The following TSPYL6 variants were observed in gnomAD, a reference collection of about 807,000 sequenced individuals.
TSPYL6 encodes the protein TSPY like 6, also known as testis-specific Y-encoded-like protein 6.
For synonymous variants in TSPYL6, 259 were observed against 214.8 expected (o/e 1.21, Z -1.80); for missense variants, 699 against 531.5 (o/e 1.32, Z -3.10).
In TSPYL6 at chr2:54,254,860, C is replaced by T; in HGVS notation, c.*59G>A. 1 of 1,543,424 alleles carries T rather than the reference C, an allele frequency of 6.5e-7. No homozygotes were observed. The highest frequency in any genetic ancestry group is 8.7e-7 in the Non-Finnish European group (1 of 1,145,234). ...GGCATACCTAATGCTGTTGCCCAAGCTCAGGTCCAGCTGGTGGTGGCAGGC... is the reference window on the plus strand; with the variant it reads ...GGCATACCTAATGCTGTTGCCCAAGTTCAGGTCCAGCTGGTGGTGGCAGGC... On this transcript the variant is annotated 3_prime_UTR_variant, in exon 1 of 1. Transcript: ENST00000317802.
Position 54,255,267 on chromosome 2 carries a change from C to A in TSPYL6, c.885G>T (p.Lys295Asn). The A allele has an allele frequency of 6.2e-7, 1 of 1,614,182 alleles. No individual in the cohort carries two copies. Among genetic ancestry groups the A allele is most frequent in the South Asian group, 1.1e-5 (1 of 91,078 alleles). Residue 295 changes from lysine (K) to asparagine (N), a missense_variant, in exon 1 of 1, where the codon AAG (lysine) becomes AAT (asparagine). Lys to Asn is a moderately conservative substitution (Grantham distance 94, BLOSUM62 0). Transcript: ENST00000317802. ...AGTAAGGGTTTCTTTGAAAGAAGAA[C>A]TTAAACTTGCAGCCTGTCCTAGGGT... ...LRHPRTGCKF[K>N]FFFQRNPYFR...
rs1483210466 is a variant in TSPYL6, at chr2:54,256,193, G to GAGGT, written c.-46_-43dup. On this transcript the variant is annotated 5_prime_UTR_variant, in exon 1 of 1. Coordinates refer to ENST00000317802, the MANE Select transcript of TSPYL6 (RefSeq NM_001003937.3). ...GCAGCAGTGGGTAGAGGCCAGGCCA[G>GAGGT]AGGTAGGTAGCGTCAACGTTCCTCA... is the stretch of plus-strand genomic sequence containing the variant. 1.9e-6 allele frequency: 3 copies of GAGGT among 1,553,792 alleles called. No homozygotes were observed. The African/African-American group carries it at 4.1e-5, about 21-fold the overall frequency.
rs998184338 is a variant in TSPYL6 at position 54,253,609 on chromosome 2, C to G, written c.*1310G>C. ...TAAAAAAAAGTACTTCTCTTCCCATCATAACTAGTCAACCCAGTGTAAATT... is the reference window on the plus strand; with the variant it reads ...TAAAAAAAAGTACTTCTCTTCCCATGATAACTAGTCAACCCAGTGTAAATT... On this transcript the variant is annotated 3_prime_UTR_variant, in exon 1 of 1. Coordinates refer to ENST00000317802, the MANE Select transcript of TSPYL6 (RefSeq NM_001003937.3). 6.6e-6 allele frequency: 1 copy of G among 152,234 alleles called. No homozygotes were observed. The highest frequency in any genetic ancestry group is 1.5e-5 in the Non-Finnish European group (1 of 68,048). The allele number at this position is 152,234 out of a possible 1,614,324, so 9.4% of individuals were successfully genotyped here. A position where few individuals can be genotyped will look rare whatever the true frequency, so the allele number is the denominator to read the frequency against.
At position 54,254,726 on chromosome 2, in the gene TSPYL6, C is replaced by T. The variant is rs551035678; in HGVS notation, c.*193G>A. On this transcript the variant is annotated 3_prime_UTR_variant, in exon 1 of 1. Coordinates refer to ENST00000317802, the MANE Select transcript of TSPYL6 (RefSeq NM_001003937.3). ...GTGATGTTAATGCAGAATAGCAAGA[C>T]GACCAGGTGAAAGGGGAGCAGCACA... is the stretch of plus-strand genomic sequence containing the variant. 3.1e-5 allele frequency: 18 copies of T among 581,632 alleles called. No homozygotes were observed. Among genetic ancestry groups the T allele is most frequent in the African/African-American group, 1.7e-4 (9 of 53,842 alleles). 36.0% of individuals were successfully genotyped at this position (581,632 alleles called of 1,614,324 possible). A position where few individuals can be genotyped will look rare whatever the true frequency, so the allele number is the denominator to read the frequency against.
rs759576559 is a variant in TSPYL6, at chr2:54,255,595, T to G, written c.557A>C (p.Glu186Ala). 11 of 1,613,096 alleles carry G rather than the reference T, an allele frequency of 6.8e-6. 1 individual carries two copies. Among genetic ancestry groups the G allele is most frequent in the South Asian group, 6.6e-5 (6 of 91,062 alleles). Residue 186 changes from glutamate to alanine, a missense_variant, in exon 1 of 1, where the codon GAG becomes GCG. Physicochemically the swap from Glu to Ala is moderately radical, Grantham distance 107 (BLOSUM62 -1). Coordinates refer to ENST00000317802, the MANE Select transcript of TSPYL6 (RefSeq NM_001003937.3). Reference protein sequence around the residue: ...ENRAIDEVNREAGPGPGPGPL... With the variant: ...ENRAIDEVNRAAGPGPGPGPL... ...CCCGGGCCCGGGCCCAGGCCCTGCC[T>G]CCCTGTTTACCTCATCTATTGCTCT...
Position 54,255,263 on chromosome 2 carries a change from A to C in TSPYL6, c.889T>G (p.Phe297Val). 6.2e-7 allele frequency: 1 copy of C among 1,614,212 alleles called. No individual in the cohort carries two copies. Among genetic ancestry groups the C allele is most frequent in the East Asian group, 2.2e-5 (1 of 44,870 alleles). Residue 297 changes from phenylalanine (F) to valine (V), a missense_variant, in exon 1 of 1, where the codon TTC (phenylalanine) becomes GTC (valine). Transcript: ENST00000317802. ...HPRTGCKFKF[F>V]FQRNPYFRNK... is the part of the protein sequence containing the mutation. Reference sequence around the variant, plus strand: ...CTGAAGTAAGGGTTTCTTTGAAAGAAGAACTTAAACTTGCAGCCTGTCCTA... The same window carrying C: ...CTGAAGTAAGGGTTTCTTTGAAAGACGAACTTAAACTTGCAGCCTGTCCTA...
At position 54,256,057 on chromosome 2, in the gene TSPYL6, G is replaced by T. The variant is rs374531982; in HGVS notation, c.95C>A (p.Ala32Glu). ...AAACATATCTGCCATTACCTCTGTC[G>T]CCTTGCTCTTTTCTCGGGACCTCTG... ...QGQRSREKSKATEVMADMFDG... is the reference protein window; with the variant it reads ...QGQRSREKSKETEVMADMFDG... Residue 32 changes from alanine to glutamate, a missense_variant, in exon 1 of 1, where the codon GCG (alanine) becomes GAG (glutamate). Coordinates refer to ENST00000317802, the MANE Select transcript of TSPYL6 (RefSeq NM_001003937.3). 3 of 1,614,146 alleles carry T rather than the reference G, an allele frequency of 1.9e-6. No individual in the cohort carries two copies. Among genetic ancestry groups the T allele is most frequent in the African/African-American group, 1.3e-5 (1 of 75,018 alleles).
In TSPYL6 at chr2:54,255,971, G is replaced by A. The variant is rs781215804; in HGVS notation, c.181C>T (p.Pro61Ser). The A allele has an allele frequency of 1.1e-5, 17 of 1,613,984 alleles. No homozygotes were observed. The East Asian group carries it at 3.6e-4, about 34-fold the overall frequency. Residue 61 changes from proline (P) to serine (S), a missense_variant, in exon 1 of 1, where the codon CCC becomes TCC. Physicochemically the swap from Pro to Ser is moderately conservative, Grantham distance 74. Transcript: ENST00000317802. ...PPRLPEEGVA[P>S]QDPADGGHTF... is the part of the protein sequence containing the mutation. Reference sequence around the variant, plus strand: ...TGGCCACCATCTGCGGGATCCTGGGGCGCGACCCCCTCCTCTGGAAGCCGG... The same window carrying A: ...TGGCCACCATCTGCGGGATCCTGGGACGCGACCCCCTCCTCTGGAAGCCGG...
Position 54,255,805 on chromosome 2 carries a change from G to A in TSPYL6, c.347C>T (p.Pro116Leu), listed in dbSNP as rs13424808. 1.6e-3 allele frequency: 2,540 copies of A among 1,613,778 alleles called. 45 individuals carry two copies. The African/African-American group carries it at 0.031, about 19-fold the overall frequency. ...TTDGSLKNGF[P>L]GEETHGLGGE... ...ACCTAGGCCGTGCGTCTCTTCACCC[G>A]GAAAGCCATTTTTGAGGCTGCCGTC... is the stretch of plus-strand genomic sequence containing the variant. Residue 116 changes from proline (P) to leucine (L), a missense_variant, in exon 1 of 1, where the codon CCG (proline) becomes CTG (leucine). Physicochemically the swap from Pro to Leu is moderately conservative, Grantham distance 98. Transcript: ENST00000317802.
chr2:54,255,447 T>C lies in TSPYL6; in HGVS notation c.705A>G (p.Glu235=). ...QVERRFGQIH[E]YYLEQRNDII... is the part of the protein sequence containing the mutation. ...TGTCATTCCTCTGCTCCAGGTAGTA[T>C]TCATGAATCTGCCCAAACCTGCGCT... Residue 235 remains glutamate, a synonymous_variant, in exon 1 of 1, where the codon GAA becomes GAG. Coordinates refer to ENST00000317802, the MANE Select transcript of TSPYL6 (RefSeq NM_001003937.3). 6.2e-7 allele frequency: 1 copy of C among 1,614,040 alleles called. No homozygotes were observed. The highest frequency in any genetic ancestry group is 8.5e-7 in the Non-Finnish European group (1 of 1,180,000).
chr2:54,254,685 C>T lies in TSPYL6; in HGVS notation c.*234G>A. ...TCGCTTCGCTTAGAAGGATGTGACC[C>T]ATCGGCTGGGAGCATGTGATGTTAA... is the stretch of plus-strand genomic sequence containing the variant. On this transcript the variant is annotated 3_prime_UTR_variant, in exon 1 of 1. Coordinates refer to ENST00000317802, the MANE Select transcript of TSPYL6 (RefSeq NM_001003937.3). 1 of 524,998 alleles carries T rather than the reference C, an allele frequency of 1.9e-6. No individual in the cohort carries two copies. Among genetic ancestry groups the T allele is most frequent in the East Asian group, 3.0e-5 (1 of 32,884 alleles). The allele number at this position is 524,998 out of a possible 1,614,324, so 32.5% of individuals were successfully genotyped here.
chr2:54,254,299 A>G lies in TSPYL6; in HGVS notation c.*620T>C, dbSNP rs1401648342. ...ACCAGTGTTCTGGAGATCCCTGTTT[A>G]TTAGAAACCAGAGAGTGGAGCTGGC... On this transcript the variant is annotated 3_prime_UTR_variant, in exon 1 of 1. Coordinates refer to ENST00000317802, the MANE Select transcript of TSPYL6 (RefSeq NM_001003937.3). The G allele has an allele frequency of 6.6e-6, 1 of 152,354 alleles. No homozygotes were observed. The highest frequency in any genetic ancestry group is 2.4e-5 in the African/African-American group (1 of 41,460). The allele number at this position is 152,354 out of a possible 1,614,324, so 9.4% of individuals were successfully genotyped here. A position where few individuals can be genotyped will look rare whatever the true frequency, so the allele number is the denominator to read the frequency against.
Position 54,255,705 on chromosome 2 carries a change from G to T in TSPYL6, c.447C>A (p.Asp149Glu). Residue 149 changes from aspartate to glutamate, a missense_variant, in exon 1 of 1, where the codon GAC becomes GAA. Asp to Glu is a conservative substitution (Grantham distance 45, BLOSUM62 2). Coordinates refer to ENST00000317802, the MANE Select transcript of TSPYL6 (RefSeq NM_001003937.3). ...SEVIAEGKAE[D>E]VKPEECAMFS... The stretch of plus-strand genomic sequence containing the variant: ...ACATGGCACACTCCTCAGGCTTCAC[G>T]TCCTCGGCCTTCCCCTCTGCAATCA... 6.2e-7 allele frequency: 1 copy of T among 1,613,818 alleles called. No individual in the cohort carries two copies. Among genetic ancestry groups the T allele is most frequent in the African/African-American group, 1.3e-5 (1 of 74,988 alleles).
In TSPYL6 at chr2:54,256,175, T is replaced by G. The variant is rs1573003299; in HGVS notation, c.-24A>C. 2 of 1,595,330 alleles carry G rather than the reference T, an allele frequency of 1.3e-6. No homozygotes were observed. The highest frequency in any genetic ancestry group is 1.1e-5 in the South Asian group (1 of 87,706). On this transcript the variant is annotated 5_prime_UTR_variant, in exon 1 of 1. Transcript: ENST00000317802. ...ATGTTGGTAGCGGCCAGGGCAGCAG[T>G]GGGTAGAGGCCAGGCCAGAGGTAGG...
In TSPYL6 at chr2:54,255,416, G is replaced by A. The variant is rs17189743; in HGVS notation, c.736C>T (p.Arg246Cys). 40,493 of 1,613,962 alleles carry A rather than the reference G, an allele frequency of 0.025. 694 individuals are homozygous for A. The highest frequency in any genetic ancestry group is 0.025 in the Non-Finnish European group (29,581 of 1,179,994). Reference protein sequence around the residue: ...YYLEQRNDIIRNIPGFWVTAF... With the variant: ...YYLEQRNDIICNIPGFWVTAF... The stretch of plus-strand genomic sequence containing the variant: ...GTGACCCAGAAGCCCGGGATATTGC[G>A]AATGATGTCATTCCTCTGCTCCAGG... The change falls in exon 1 of 1, where the codon CGC (arginine) becomes TGC (cysteine). Residue 246 changes from arginine to cysteine, a missense_variant. Transcript: ENST00000317802.
In TSPYL6 at chr2:54,255,558, C is replaced by G; in HGVS notation, c.594G>C (p.Val198=). ...ACTCCAGGGGGTTCAGGTGGAGACC[C>G]ACGTTCAGGGGCCCGGGCCCGGGCC... ...GPGPGPGPLN[V]GLHLNPLESI... Residue 198 remains valine, a synonymous_variant, in exon 1 of 1, where the codon GTG becomes GTC. Transcript: ENST00000317802. The G allele has an allele frequency of 6.2e-7, 1 of 1,610,512 alleles. No homozygotes were observed. The highest frequency in any genetic ancestry group is 8.5e-7 in the Non-Finnish European group (1 of 1,179,122).
At position 54,255,975 on chromosome 2, in the gene TSPYL6, G is replaced by A; in HGVS notation, c.177C>T (p.Val59=). Residue 59 remains valine (V), a synonymous_variant, in exon 1 of 1, where the codon GTC becomes GTT. Transcript: ENST00000317802. The stretch of plus-strand genomic sequence containing the variant: ...CACCATCTGCGGGATCCTGGGGCGC[G>A]ACCCCCTCCTCTGGAAGCCGGGGCG... ...FPPPRLPEEG[V]APQDPADGGH... The A allele has an allele frequency of 1.9e-6, 3 of 1,614,078 alleles. No individual in the cohort carries two copies. Among genetic ancestry groups the A allele is most frequent in the Middle Eastern group, 1.6e-4 (1 of 6,062 alleles).
In TSPYL6 at chr2:54,256,215, C is replaced by G. The variant is rs1687525279; in HGVS notation, c.-64G>C. The G allele has an allele frequency of 1.3e-6, 2 of 1,526,612 alleles. 1 individual carries two copies. The highest frequency in any genetic ancestry group is 2.6e-5 in the South Asian group (2 of 77,136). 94.6% of individuals were successfully genotyped at this position (1,526,612 alleles called of 1,614,324 possible). A position where few individuals can be genotyped will look rare whatever the true frequency, so the allele number is the denominator to read the frequency against. On this transcript the variant is annotated 5_prime_UTR_variant, in exon 1 of 1. Coordinates refer to ENST00000317802, the MANE Select transcript of TSPYL6 (RefSeq NM_001003937.3). The stretch of plus-strand genomic sequence containing the variant: ...CCAGAGGTAGGTAGCGTCAACGTTC[C>G]TCACACAAAATGGCGAGTAAACACC...
chr2:54,256,069 T>C lies in TSPYL6; in HGVS notation c.83A>G (p.Glu28Gly). The change falls in exon 1 of 1, where the codon GAA becomes GGA. Residue 28 changes from glutamate (E) to glycine (G), a missense_variant. Transcript: ENST00000317802. Reference sequence around the variant, plus strand: ...CATTACCTCTGTCGCCTTGCTCTTTTCTCGGGACCTCTGGCCCTGGTGCGG... The same window carrying C: ...CATTACCTCTGTCGCCTTGCTCTTTCCTCGGGACCTCTGGCCCTGGTGCGG... Reference protein sequence around the residue: ...EDPHQGQRSREKSKATEVMAD... With the variant: ...EDPHQGQRSRGKSKATEVMAD... 2 of 1,614,122 alleles carry C rather than the reference T, an allele frequency of 1.2e-6. No homozygotes were observed. Among genetic ancestry groups the C allele is most frequent in the Non-Finnish European group, 1.7e-6 (2 of 1,180,038 alleles).
Sources: gnomAD v4.1 joint callset for allele counts on GRCh38, gnomAD v4.1.1 for gene constraint, MANE v1.5 for transcripts, NCBI Gene and HGNC (gene_info 2026-07-23, HGNC 2026-07-21) for gene names.